HYKK: variants seen among roughly 807,000 people sequenced by gnomAD.
The protein encoded by HYKK is 5-hydroxy-L-lysine kinase.
A neutral mutation model predicts 29.7 loss-of-function variants in HYKK; 19 were observed. The ratio of observed to expected loss-of-function variants is 0.64; its 90% confidence interval spans 0.45 to 0.94. HYKK has a LOEUF of 0.94. Ranked by LOEUF, HYKK falls within the 40% of genes least tolerant of loss-of-function variation. The pLI is 0.00. For synonymous variants in HYKK, 152 were observed against 158.1 expected (o/e 0.96, Z 0.29); for missense variants, 390 against 443.4 (o/e 0.88, Z 1.08).
chr15:78,518,399 T>G (rs2052157866), intron 3 of HYKK, among the ~76,000 whole-genome samples: 1 of 152,090 alleles, frequency 6.6e-6, no homozygotes, highest in Non-Finnish European at 1.5e-5. Context: ...GGTCTTGAAC[T>G]CCTGACCTCA....
chr15:78,527,462 AC>A lies in HYKK; in HGVS notation c.562del (p.Leu188CysfsTer24). ...AAAAATGTTCCTCTTCTGGAGAAAT[AC>A]CTGTATGCCCTGGGCCAGAATCGAA... is the stretch of plus-strand genomic sequence containing the variant. The part of the protein sequence containing the change: ...NLKNVPLLEK[Y>X]LYALGQNRNR... On this transcript the variant is annotated frameshift_variant, in exon 4 of 5. Transcript: ENST00000388988. LOFTEE classifies it high-confidence loss of function. 6.2e-7 allele frequency: 1 copy of A among 1,614,126 alleles called. No individual in the cohort carries two copies. Among genetic ancestry groups the A allele is most frequent in the Non-Finnish European group, 8.5e-7 (1 of 1,179,962 alleles).
intron 1 of HYKK, among the ~76,000 whole-genome samples, chr15:78,508,769 CAT>C: frequency 6.6e-6 from 1 of 150,592 alleles, no homozygotes; most frequent in Non-Finnish European, 1.5e-5. Context: ...AAAAGACAGC[CAT>C]GATGGCTTGC....
At chr15:78,530,206 T>C (rs1325666629) in intron 4 of HYKK, among the ~76,000 whole-genome samples, 1 of 24,702 alleles carries the variant, frequency 4.0e-5, no homozygotes. Flanking sequence ...ATTTATTTTT[T>C]TTTTTTTTTT....
intron 3 of HYKK, among the ~76,000 whole-genome samples, chr15:78,523,133 G>C (rs142991927): frequency 6.6e-6 from 1 of 152,170 alleles, no homozygotes; most frequent in Non-Finnish European, 1.5e-5. Context: ...TTGCTATAAA[G>C]AAATACCTGA....
In HYKK at chr15:78,514,908, C is replaced by CTCTCTCTCTCTCTATATA. The variant is rs766004199; in HGVS notation, c.338-59_338-58insCTCTCTCTCTCTATATAT. ...TAAATACCTCTCTCTCTCTCTCTCT[C>CTCTCTCTCTCTCTATATA]TATATATATATATATATATAAATAA... On this transcript the variant is annotated intron_variant, in intron 2 of 4. Coordinates refer to ENST00000388988, the MANE Select transcript of HYKK (RefSeq NM_001013619.4). 1.1e-4 allele frequency: 41 copies of CTCTCTCTCTCTCTATATA among 385,486 alleles called. No homozygotes were observed. In the East Asian group the frequency reaches 1.4e-3, roughly 14 times the overall value. 23.9% of individuals were successfully genotyped at this position (385,486 alleles called of 1,614,324 possible).
In HYKK at chr15:78,522,401, T is replaced by A. The variant is rs113738377; in HGVS notation, c.478-4979T>A. Among the ~76,000 whole-genome samples the A allele has an allele frequency of 1.1e-4, 16 of 145,938 alleles. 1 individual carries two copies. Among genetic ancestry groups the A allele is most frequent in the South Asian group, 2.2e-4 (1 of 4,576 alleles). ...AAACCCTGTCTCTACTAAAAAAAAA[T>A]TTTTTTAATTAGCTGGGTGTGGTGG... On this transcript the variant is annotated intron_variant, in intron 3 of 4. Transcript: ENST00000388988.
intron 4 of HYKK, chr15:78,528,392 G>A: frequency 1.0e-6 from 1 of 984,232 alleles, no homozygotes; most frequent in South Asian, 4.7e-5. Context: ...ATGCCAAAAA[G>A]GTTGGGAACT....
In HYKK at chr15:78,533,458, G is replaced by A; in HGVS notation, c.910G>A (p.Ala304Thr). 20 of 1,614,208 alleles carry A rather than the reference G, an allele frequency of 1.2e-5. No individual in the cohort carries two copies. Among genetic ancestry groups the A allele is most frequent in the Non-Finnish European group, 1.7e-5 (20 of 1,180,034 alleles). ...ITPLTAVEKG[A>T]LFLLVCSRFC... ...CCCACTGACAGCTGTAGAGAAGGGTGCTTTGTTTTTACTTGTATGCAGTCG... is the reference window on the plus strand; with the variant it reads ...CCCACTGACAGCTGTAGAGAAGGGTACTTTGTTTTTACTTGTATGCAGTCG... Residue 304 changes from alanine (A) to threonine (T), a missense_variant, in exon 5 of 5, where the codon GCT becomes ACT. Physicochemically the swap from Ala to Thr is moderately conservative, Grantham distance 58 (BLOSUM62 0). Transcript: ENST00000388988.
At chr15:78,530,477 G>A (rs1449857694) in intron 4 of HYKK, among the ~76,000 whole-genome samples, 2 of 152,004 alleles carry the variant, frequency 1.3e-5, no homozygotes, top group Admixed American at 6.6e-5. Context: ...TAATTACATT[G>A]TGATCAGAGA....
At chr15:78,512,386 T>C (rs2052081700) in intron 1 of HYKK, among the ~76,000 whole-genome samples, 2 of 150,954 alleles carry the variant, frequency 1.3e-5, no homozygotes, top group South Asian at 4.2e-4. Flanking sequence ...TCTTTTTTTC[T>C]TTTTTTTCTT....
Position 78,513,432 on chromosome 15 carries a change from G to T in HYKK, c.337+7G>T, listed in dbSNP as rs2052095877. On this transcript the variant is annotated splice_region_variant and intron_variant, in intron 2 of 4. Transcript: ENST00000388988. ...GCTTCTCTCGTGTCTGTAGGTAAGA[G>T]ATGACCAATTCGCCGATCCATTACC... 6.3e-7 allele frequency: 1 copy of T among 1,599,092 alleles called. No homozygotes were observed. Among genetic ancestry groups the T allele is most frequent in the African/African-American group, 1.3e-5 (1 of 74,394 alleles).
intron 4 of HYKK, among the ~76,000 whole-genome samples, chr15:78,532,904 T>C (rs2052325857): frequency 1.3e-5 from 2 of 152,248 alleles, no homozygotes; most frequent in Admixed American, 1.3e-4. Context: ...TTCTATTCTT[T>C]TAAACATTTC....
intron 3 of HYKK, among the ~76,000 whole-genome samples, chr15:78,521,575 G>C (rs2052196972): frequency 6.6e-6 from 1 of 152,074 alleles, no homozygotes; most frequent in African/African-American, 2.4e-5. Flanking sequence ...CAAGAATTCA[G>C]GTTGGTGTAG....
intron 3 of HYKK, among the ~76,000 whole-genome samples, chr15:78,517,109 C>CTTTTTTTTTTTTTTTTTTTTTT (rs34680285): frequency 9.2e-6 from 1 of 108,404 alleles, no homozygotes; most frequent in African/African-American, 3.3e-5. Flanking sequence ...TTCTTTCTTT[C>CTTTTTTTTTTTTTTTTTTTTTT]TTTTTTTTTT....
At chr15:78,528,189 C>T (rs2052277206) in intron 4 of HYKK, 1 of 154,762 alleles carries the variant, frequency 6.5e-6, no homozygotes, top group Non-Finnish European at 1.4e-5. Flanking sequence ...ACTGCCTGAG[C>T]TCTGCCTCCT....
intron 4 of HYKK, 164 bp downstream of exon 4, chr15:78,527,727 T>C: frequency 7.2e-7 from 1 of 1,387,864 alleles, no homozygotes; most frequent in Non-Finnish European, 9.3e-7. Context: ...TCCTCAAAAT[T>C]GCTACATTTG....
At chr15:78,509,767 T>C (rs2052052780) in intron 1 of HYKK, among the ~76,000 whole-genome samples, 1 of 152,194 alleles carries the variant, frequency 6.6e-6, no homozygotes, top group African/African-American at 2.4e-5. Flanking sequence ...TTCCCAGAAG[T>C]TTCAAGTGCA....
chr15:78,516,732 G>A (rs890173326), intron 3 of HYKK, among the ~76,000 whole-genome samples: 28 of 152,114 alleles, frequency 1.8e-4, no homozygotes, highest in African/African-American at 6.8e-4. Flanking sequence ...ACAGAAAAGA[G>A]GTTTAGGCCA....
Position 78,527,406 on chromosome 15 carries a change from T to A in HYKK, c.504T>A (p.Ser168Arg). The change falls in exon 4 of 5, where the codon AGT (serine) becomes AGA (arginine). Residue 168 changes from serine to arginine, a missense_variant. Coordinates refer to ENST00000388988, the MANE Select transcript of HYKK (RefSeq NM_001013619.4). ...GATTCCATCACCCAAAGTTAAGTAGTCTTCATCGGGAGAACTTCATCTGGA... is the reference window on the plus strand; with the variant it reads ...GATTCCATCACCCAAAGTTAAGTAGACTTCATCGGGAGAACTTCATCTGGA... ...LQRFHHPKLSSLHRENFIWNL... is the reference protein window; with the variant it reads ...LQRFHHPKLSRLHRENFIWNL... The A allele has an allele frequency of 6.2e-7, 1 of 1,614,072 alleles. No homozygotes were observed. The highest frequency in any genetic ancestry group is 8.5e-7 in the Non-Finnish European group (1 of 1,179,954).
Sources: gnomAD v4.1 joint callset for allele counts (sites outside exome capture counted in the v4.1 genomes callset) on GRCh38, gnomAD v4.1.1 for gene constraint, MANE v1.5 for transcripts, NCBI Gene and HGNC (gene_info 2026-07-23, HGNC 2026-07-21) for gene names.